CELF2: variants seen among roughly 807,000 people sequenced by gnomAD.
CELF2 encodes the protein CUGBP Elav-like family member 2, also known as CUG triplet repeat RNA-binding protein 2.
CELF2 carries 8 observed loss-of-function variants against 62.6 expected under a neutral mutation model. That is an observed-to-expected ratio of 0.13 (90% CI 0.07 to 0.23). The LOEUF (loss-of-function observed/expected upper bound fraction) is 0.23. CELF2 is among the 10% of genes least tolerant of loss of function. The pLI is 1.00. For synonymous variants in CELF2, 258 were observed against 250.0 expected, an observed-to-expected ratio of 1.03 and a Z score of -0.30; for missense variants, 333 against 671.0, an observed-to-expected ratio of 0.50 and a Z score of 5.56.
the CELF2 span, among the ~76,000 whole-genome samples, chr10:10,480,084 C>T: frequency 2.7e-3 from 404 of 152,166 alleles, 2 homozygotes; most frequent in African/African-American, 9.3e-3. Context: ...AGCGGGTCTT[C>T]GGAAATAATT....
chr10:10,621,849 C>A, the CELF2 span, among the ~76,000 whole-genome samples: 653 of 152,188 alleles, frequency 4.3e-3, 4 homozygotes, highest in African/African-American at 0.015. Flanking sequence ...AATGTAAGCA[C>A]CCTTCCACCA....
rs79202431 is a variant in CELF2, at chr10:11,186,991, C to T, written c.271+21309C>T. On this transcript the variant is annotated intron_variant, in intron 2 of 12. Transcript: ENST00000633077. ...AATATGACTTATCTTGGTAAACAGT[C>T]CATGTGCATCTCAAAAGAACAGGTA... Among the ~76,000 whole-genome samples the T allele has an allele frequency of 5.2e-3, 794 of 152,240 alleles. 9 individuals carry two copies. The highest frequency in any genetic ancestry group is 0.018 in the African/African-American group (752 of 41,544).
At chr10:11,266,389 C>G (rs2082202902) in intron 5 of CELF2, among the ~76,000 whole-genome samples, 1 of 152,144 alleles carries the variant, frequency 6.6e-6, no homozygotes, top group South Asian at 2.1e-4. Flanking sequence ...ATAAATCTTT[C>G]TGCTTTGGTC....
chr10:10,470,714 C>T, the CELF2 span, among the ~76,000 whole-genome samples: 2 of 151,188 alleles, frequency 1.3e-5, no homozygotes, highest in Non-Finnish European at 3.0e-5. Flanking sequence ...TGATACTGGA[C>T]CCGCCCAAAT....
chr10:11,071,566 G>C (rs1004408717), intron 1 of CELF2: 16 of 152,138 alleles, frequency 1.1e-4, no homozygotes, highest in African/African-American at 3.9e-4. Flanking sequence ...CCCAGATTTT[G>C]GGGCTTATTT....
the CELF2 span, among the ~76,000 whole-genome samples, chr10:10,635,137 G>A: frequency 6.6e-6 from 1 of 152,178 alleles, no homozygotes; most frequent in Non-Finnish European, 1.5e-5. Flanking sequence ...AAGGGGCAGG[G>A]ACAGATAATT....
At chr10:10,706,708 G>A in the CELF2 span, among the ~76,000 whole-genome samples, 2 of 152,202 alleles carry the variant, frequency 1.3e-5, no homozygotes, top group Non-Finnish European at 2.9e-5. Context: ...AAGAACTCAA[G>A]TGAATTGTCA....
At chr10:10,512,210 C>G in the CELF2 span, among the ~76,000 whole-genome samples, 1 of 152,082 alleles carries the variant, frequency 6.6e-6, no homozygotes, top group Non-Finnish European at 1.5e-5. Context: ...ACTCTGAAGC[C>G]TAGAGTGGGA....
chr10:10,615,871 T>C, the CELF2 span, among the ~76,000 whole-genome samples: 1 of 152,142 alleles, frequency 6.6e-6, no homozygotes, highest in Non-Finnish European at 1.5e-5. Context: ...TATGTATTTA[T>C]AGCAGTGCAA....
rs375426619 is a variant in CELF2 at position 11,123,039 on chromosome 10, A to T, written c.75-42447A>T. On this transcript the variant is annotated intron_variant, in intron 1 of 12. Transcript: ENST00000633077. ...CCCGAAAGTAGCAAAAAGAAGAAAA[A>T]TAAGGGCAAATACATTGTACATCCA... is the stretch of plus-strand genomic sequence containing the variant. 2.6e-3 allele frequency among the ~76,000 whole-genome samples: 401 copies of T among 152,234 alleles called. 2 individuals are homozygous for T. The highest frequency in any genetic ancestry group is 9.3e-3 in the African/African-American group (387 of 41,542).
chr10:10,874,632 A>AC (rs2060972256), intron 1 of CELF2, among the ~76,000 whole-genome samples: 1 of 152,200 alleles, frequency 6.6e-6, no homozygotes, highest in Non-Finnish European at 1.5e-5. Context: ...AATGCAAAAA[A>AC]TGTAAGCACA....
intron 1 of CELF2, among the ~76,000 whole-genome samples, chr10:10,919,250 A>G (rs568275283): frequency 1.3e-5 from 2 of 150,256 alleles, no homozygotes; most frequent in Non-Finnish European, 3.0e-5. Context: ...AGCCTGGGCA[A>G]AAGAGAGATA....
intron 2 of CELF2, among the ~76,000 whole-genome samples, chr10:11,202,164 C>A (rs1175622429): frequency 2.6e-5 from 4 of 152,144 alleles, no homozygotes; most frequent in African/African-American, 4.8e-5. Context: ...ATATCAACTA[C>A]TTGGAATTTA....
chr10:10,626,780 A>G, the CELF2 span, among the ~76,000 whole-genome samples: 1 of 152,208 alleles, frequency 6.6e-6, no homozygotes, highest in Non-Finnish European at 1.5e-5. Context: ...TGGAGTCGTC[A>G]AATCCTGAAA....
In CELF2 at chr10:10,979,116, G is replaced by C. The variant is rs552362758; in HGVS notation, c.89+59117G>C. Among the ~76,000 whole-genome samples, 101 of 152,268 alleles carry C rather than the reference G, an allele frequency of 6.6e-4. 1 individual carries two copies. Among genetic ancestry groups the C allele is most frequent in the South Asian group, 3.9e-3 (19 of 4,824 alleles). ...CAGGTTTGGCCACCATTTTCCAGGA[G>C]AGAAAGTGATTGAAACAGGAAGCCC... On this transcript the variant is annotated intron_variant, in intron 2 of 13. Coordinates refer to the CELF2 transcript ENST00000636488.
intron 1 of CELF2, among the ~76,000 whole-genome samples, chr10:10,911,293 T>C (rs2063789633): frequency 1.3e-5 from 2 of 152,344 alleles, no homozygotes; most frequent in African/African-American, 4.8e-5. Flanking sequence ...TTCAAGGCAC[T>C]TGAGCACAAG....
In CELF2 at chr10:11,305,118, T is replaced by C. The variant is rs2094102849; in HGVS notation, c.977-9021T>C. 6.6e-6 allele frequency among the ~76,000 whole-genome samples: 1 copy of C among 152,152 alleles called. No homozygotes were observed. The highest frequency in any genetic ancestry group is 1.5e-5 in the Non-Finnish European group (1 of 68,016). On this transcript the variant is annotated intron_variant, in intron 9 of 12. Coordinates refer to ENST00000633077, the MANE Select transcript of CELF2 (RefSeq NM_001326342.2). This position sits in a 1 kb window ranked among gnomAD's most constrained non-coding sequence, Gnocchi z 4.8. ...GTCCTTCCCAGTTCTACCAGTCTGA[T>C]AGTCACCCCTCCTCCCACAGGAAAT...
upstream of CELF2, among the ~76,000 whole-genome samples, chr10:11,002,139 C>T (rs561943906): frequency 1.1e-3 from 168 of 152,190 alleles, 2 homozygotes; most frequent in Non-Finnish European, 1.5e-3. The surrounding 1 kb of genome is among the most constrained non-coding windows in gnomAD (Gnocchi z 4.4). Context: ...ACAATCATGG[C>T]GGAAGGCAAA....
At chr10:10,556,902 T>G in the CELF2 span, among the ~76,000 whole-genome samples, 8 of 143,028 alleles carry the variant, frequency 5.6e-5, no homozygotes, top group Non-Finnish European at 1.2e-4. Context: ...CTTGTAAATT[T>G]GTTTGAGTTC....
Sources: allele counts gnomAD v4.1 joint callset (sites outside exome capture counted in the v4.1 genomes callset), GRCh38; gene constraint gnomAD v4.1.1; non-coding constraint Gnocchi (gnomAD v3.1); transcripts MANE v1.5; gene names NCBI Gene and HGNC (gene_info 2026-07-23, HGNC 2026-07-21).